SPINK13: variants seen among roughly 807,000 people sequenced by gnomAD.
SPINK13 encodes the protein serine protease inhibitor Kazal-type 13.
In SPINK13, 11 loss-of-function variants were observed where a neutral mutation model predicts 11.0. The ratio of observed to expected loss-of-function variants is 1.00; its 90% confidence interval spans 0.63 to 1.65. The LOEUF (loss-of-function observed/expected upper bound fraction) is 1.65. Among genes scored for constraint, SPINK13 ranks in the 40% most tolerant of loss-of-function variants. SPINK13 has a pLI of 0.00. For missense variants in SPINK13, 113 were observed against 117.7 expected (o/e 0.96, Z 0.19); for synonymous variants, 31 against 35.6 (o/e 0.87, Z 0.46).
At chr5:148,269,762 A>G (rs747974221) in intron 1 of SPINK13, among the ~76,000 whole-genome samples, 1 of 152,178 alleles carries the variant, frequency 6.6e-6, no homozygotes, top group Non-Finnish European at 1.5e-5. Flanking sequence ...ATAGACTTTG[A>G]GTCAGCCCTG....
At chr5:148,280,772 T>C (rs1210922457) in intron 3 of SPINK13, among the ~76,000 whole-genome samples, 1 of 152,196 alleles carries the variant, frequency 6.6e-6, no homozygotes, top group Non-Finnish European at 1.5e-5. Flanking sequence ...AGGGACCCAC[T>C]TGAGGAGGCA....
intron 3 of SPINK13, among the ~76,000 whole-genome samples, chr5:148,280,876 C>A (rs1464491526): frequency 2.0e-5 from 3 of 152,206 alleles, no homozygotes; most frequent in Non-Finnish European, 2.9e-5. Context: ...GCTGAAGACG[C>A]ACCCACAGCT....
intron 1 of SPINK13, among the ~76,000 whole-genome samples, chr5:148,269,522 T>A (rs990072730): frequency 2.0e-5 from 3 of 152,212 alleles, no homozygotes; most frequent in Non-Finnish European, 2.9e-5. Context: ...AAGAGAAATT[T>A]AGCTGGGAAA....
chr5:148,270,245 A>G, intron 2 of SPINK13, 103 bp downstream of exon 2: 1 of 1,247,592 alleles, frequency 8.0e-7, no homozygotes, highest in African/African-American at 1.5e-5. Context: ...TTTTGCTGAA[A>G]TGTAAGCCAG....
intron 3 of SPINK13, among the ~76,000 whole-genome samples, chr5:148,276,067 CAT>C (rs1462394805): frequency 2.0e-5 from 3 of 152,102 alleles, no homozygotes; most frequent in African/African-American, 4.8e-5. Context: ...AGCGTTTTTT[CAT>C]ATGTTTGTTG....
At chr5:148,274,765 C>A (rs1446131121) in intron 3 of SPINK13, among the ~76,000 whole-genome samples, 1 of 152,032 alleles carries the variant, frequency 6.6e-6, no homozygotes, top group African/African-American at 2.4e-5. Context: ...AATAAATCTT[C>A]ATGGAGGTAA....
At position 148,286,209 on chromosome 5, in the gene SPINK13, C is replaced by A. The variant is rs1349730903; in HGVS notation, c.*161C>A. ...ATGAAGGAATCAAACTGACAAGAAC[C>A]AAATATCACATTTGTTACAAATAAA... On this transcript the variant is annotated 3_prime_UTR_variant, in exon 5 of 5. Coordinates refer to ENST00000398450, the MANE Select transcript of SPINK13 (RefSeq NM_001040129.3). 2.0e-5 allele frequency: 8 copies of A among 391,914 alleles called. No individual in the cohort carries two copies. Among genetic ancestry groups the A allele is most frequent in the Non-Finnish European group, 3.2e-5 (7 of 216,002 alleles). 24.3% of individuals were successfully genotyped at this position (391,914 alleles called of 1,614,324 possible).
intron 4 of SPINK13, among the ~76,000 whole-genome samples, chr5:148,284,095 T>A (rs935326061): frequency 2.0e-5 from 3 of 151,886 alleles, no homozygotes; most frequent in Admixed American, 2.0e-4. Context: ...AATCCCTTCT[T>A]TCCTTCCTTC....
intron 1 of SPINK13, among the ~76,000 whole-genome samples, chr5:148,269,711 G>A (rs181756939): frequency 2.6e-5 from 4 of 152,232 alleles, no homozygotes; most frequent in East Asian, 1.9e-4. Context: ...AATTAACAGC[G>A]AGATAATTAG....
At chr5:148,284,702 T>G (rs546790796) in intron 4 of SPINK13, among the ~76,000 whole-genome samples, 2 of 152,214 alleles carry the variant, frequency 1.3e-5, no homozygotes, top group African/African-American at 4.8e-5. Context: ...CTCTTGGCAG[T>G]GTTTTGAGGA....
intron 3 of SPINK13, among the ~76,000 whole-genome samples, chr5:148,280,485 CT>C (rs1228457707): frequency 6.6e-6 from 1 of 152,136 alleles, no homozygotes; most frequent in East Asian, 1.9e-4. Context: ...GTCATCCTTT[CT>C]GTTGATGTTG....
chr5:148,278,361 T>G (rs1195243298), intron 3 of SPINK13, among the ~76,000 whole-genome samples: 1 of 152,222 alleles, frequency 6.6e-6, no homozygotes, highest in Non-Finnish European at 1.5e-5. Flanking sequence ...GTTTTGATGT[T>G]AAGGTGTCGA....
In SPINK13 at chr5:148,270,067, G is replaced by C; in HGVS notation, c.-6G>C. 2 of 1,613,930 alleles carry C rather than the reference G, an allele frequency of 1.2e-6. No individual in the cohort carries two copies. Among genetic ancestry groups the C allele is most frequent in the Non-Finnish European group, 8.5e-7 (1 of 1,179,900 alleles). Reference sequence around the variant, plus strand: ...CTTATCAAAGAAGAGTCTTATATGAGATCAAATGGCTGCCTTTCCCCACAA... The same window carrying C: ...CTTATCAAAGAAGAGTCTTATATGACATCAAATGGCTGCCTTTCCCCACAA... On this transcript the variant is annotated 5_prime_UTR_variant, in exon 2 of 5. Transcript: ENST00000398450.
intron 4 of SPINK13, among the ~76,000 whole-genome samples, chr5:148,282,750 A>G (rs938331721): frequency 2.0e-5 from 3 of 152,200 alleles, no homozygotes; most frequent in Non-Finnish European, 2.9e-5. Flanking sequence ...TCAACTTTTC[A>G]TATTGTTTTT....
rs771575534 is a variant in SPINK13, at chr5:148,282,142, C to T, written c.147C>T (p.Tyr49=). ...CKMYIPLDPD[Y]NADCPNVTAP... ...TGTATATCCCACTGGACCCTGATTA[C>T]AATGCAGACTGCCCCAATGTGACAG... The change falls in exon 4 of 5, where the codon TAC becomes TAT. Residue 49 remains tyrosine, a synonymous_variant. Transcript: ENST00000398450. 3.1e-6 allele frequency: 5 copies of T among 1,614,198 alleles called. No individual in the cohort carries two copies. Among genetic ancestry groups the T allele is most frequent in the East Asian group, 4.5e-5 (2 of 44,878 alleles).
chr5:148,277,067 GCTCT>G (rs1432048756), intron 3 of SPINK13, among the ~76,000 whole-genome samples: 2 of 152,030 alleles, frequency 1.3e-5, no homozygotes, highest in African/African-American at 4.8e-5. Flanking sequence ...TCATGATTTG[GCTCT>G]CTGTTTGCCT....
intron 3 of SPINK13, among the ~76,000 whole-genome samples, chr5:148,281,765 C>CA (rs11394505): frequency 0.091 from 13,911 of 152,202 alleles, 1,808 homozygotes; most frequent in African/African-American, 0.29. Context: ...AGTTTTAATA[C>CA]AAAATCCTTA....
intron 2 of SPINK13, 78 bp downstream of exon 2, chr5:148,270,220 CT>C: frequency 6.8e-7 from 1 of 1,463,514 alleles, no homozygotes; most frequent in Non-Finnish European, 9.5e-7. Flanking sequence ...TAATTTTTTA[CT>C]TTTATGGGAA....
Position 148,276,415 on chromosome 5 carries a change from G to A in SPINK13, c.108+2031G>A, listed in dbSNP as rs563656389. 3.9e-4 allele frequency among the ~76,000 whole-genome samples: 59 copies of A among 152,260 alleles called. No homozygotes were observed. In the Middle Eastern group the frequency reaches 0.01, roughly 26 times the overall value. ...AGTATTGCCTAGGTTTTCTTCTAGG[G>A]ATTTTATGGTTTTAGGTCTTGCATT... On this transcript the variant is annotated intron_variant, in intron 3 of 4. Coordinates refer to ENST00000398450, the MANE Select transcript of SPINK13 (RefSeq NM_001040129.3).
Sources: allele counts gnomAD v4.1 joint callset (sites outside exome capture counted in the v4.1 genomes callset), GRCh38; gene constraint gnomAD v4.1.1; transcripts MANE v1.5; gene names NCBI Gene and HGNC (gene_info 2026-07-23, HGNC 2026-07-21).